GNAQ: variants seen among roughly 807,000 people sequenced by gnomAD.
The protein encoded by GNAQ is guanine nucleotide-binding protein G(q) subunit alpha.
GNAQ carries 8 observed loss-of-function variants against 43.9 expected under a neutral mutation model. The ratio of observed to expected loss-of-function variants is 0.18; its 90% CI spans 0.11 to 0.33. The LOEUF is 0.33. Ranked by LOEUF, GNAQ falls within the 10% of genes least tolerant of loss-of-function variation. The pLI, the probability that GNAQ is intolerant of heterozygous loss-of-function variation, is 1.00. For synonymous variants in GNAQ, 155 were observed against 170.7 expected (o/e 0.91, Z 0.71); for missense variants, 158 against 450.8 (o/e 0.35, Z 5.88).
intron 1 of GNAQ, among the ~76,000 whole-genome samples, chr9:77,968,716 G>C (rs1013466873): frequency 1.3e-5 from 2 of 152,094 alleles, no homozygotes; most frequent in African/African-American, 2.4e-5. Flanking sequence ...ATTAATTTTC[G>C]TAAGTGTACC....
Position 77,922,153 on chromosome 9 carries a change from G to A in GNAQ, c.321+8C>T, listed in dbSNP as rs769034833. 83 of 1,596,762 alleles carry A rather than the reference G, an allele frequency of 5.2e-5. No individual in the cohort carries two copies. The highest frequency in any genetic ancestry group is 2.2e-4 in the Admixed American group (13 of 59,786). ...CAGCTGACTGCTCCAATGAAGAGTC[G>A]CACCTACCTTATTGTGCTCATACTT... is the stretch of plus-strand genomic sequence containing the variant. On this transcript the variant is annotated splice_region_variant and intron_variant, in intron 2 of 6. Coordinates refer to ENST00000286548, the MANE Select transcript of GNAQ (RefSeq NM_002072.5).
At chr9:77,878,906 C>T (rs532494103) in intron 2 of GNAQ, among the ~76,000 whole-genome samples, 6 of 151,878 alleles carry the variant, frequency 4.0e-5, no homozygotes, top group Non-Finnish European at 7.4e-5. Flanking sequence ...ATTAGTCGAG[C>T]GTGGTGGTAC....
intron 5 of GNAQ, among the ~76,000 whole-genome samples, chr9:77,756,360 C>A (rs1825903701): frequency 6.6e-6 from 1 of 152,238 alleles, no homozygotes; most frequent in South Asian, 2.1e-4. Context: ...CAGACAGCAA[C>A]CTGACTGAAA....
intron 2 of GNAQ, among the ~76,000 whole-genome samples, chr9:77,866,467 A>G (rs1827948310): frequency 6.6e-6 from 1 of 152,184 alleles, no homozygotes; most frequent in Non-Finnish European, 1.5e-5. Context: ...AAAAATTAAA[A>G]ATTAAAACTA....
rs554796378 is a variant in GNAQ at position 77,886,781 on chromosome 9, C to G, written c.321+35380G>C. Among the ~76,000 whole-genome samples the G allele has an allele frequency of 3.3e-5, 5 of 152,148 alleles. No individual in the cohort carries two copies. The South Asian group carries it at 1.0e-3, about 32-fold the overall frequency. On this transcript the variant is annotated intron_variant, in intron 2 of 6. Transcript: ENST00000286548. ...GCTCATGAACCTTTTATCTATCTGGCTATGGATACAGCTTAGCATGTTAGC... is the reference window on the plus strand; with the variant it reads ...GCTCATGAACCTTTTATCTATCTGGGTATGGATACAGCTTAGCATGTTAGC...
chr9:77,972,039 TAAG>T (rs1344869039), intron 1 of GNAQ, among the ~76,000 whole-genome samples: 3 of 152,150 alleles, frequency 2.0e-5, no homozygotes, highest in Admixed American at 2.0e-4. Flanking sequence ...CTTATCAGCT[TAAG>T]GAGATTTTGG....
At chr9:77,938,495 C>T (rs1829265907) in intron 1 of GNAQ, among the ~76,000 whole-genome samples, 1 of 152,104 alleles carries the variant, frequency 6.6e-6, no homozygotes, top group African/African-American at 2.4e-5. Flanking sequence ...ATAAATGGGA[C>T]CAAAGAAAGC....
At chr9:77,972,160 GA>G (rs199724892) in intron 1 of GNAQ, among the ~76,000 whole-genome samples, 70 of 149,298 alleles carry the variant, frequency 4.7e-4, no homozygotes, top group East Asian at 1.2e-3. Context: ...CAATTAAAAT[GA>G]AAAAAAAATA....
At chr9:78,026,114 G>A (rs1793405879) in intron 1 of GNAQ, among the ~76,000 whole-genome samples, 1 of 152,016 alleles carries the variant, frequency 6.6e-6, no homozygotes, top group Admixed American at 6.6e-5. Flanking sequence ...TATTAAAATG[G>A]CTACTAAATT....
intron 5 of GNAQ, among the ~76,000 whole-genome samples, chr9:77,738,308 C>A (rs142267195): frequency 8.9e-6 from 1 of 112,122 alleles, no homozygotes; most frequent in East Asian, 2.3e-4. Context: ...GTTAATAGCA[C>A]GCTACAAACC....
intron 2 of GNAQ, among the ~76,000 whole-genome samples, chr9:77,843,216 T>A (rs1163824440): frequency 6.6e-6 from 1 of 152,162 alleles, no homozygotes; most frequent in East Asian, 1.9e-4. Context: ...TGCTCCTCCC[T>A]CTGGCCTGCT....
chr9:77,962,785 G>T (rs1458202791), intron 1 of GNAQ, among the ~76,000 whole-genome samples: 1 of 151,540 alleles, frequency 6.6e-6, no homozygotes, highest in Non-Finnish European at 1.5e-5. Context: ...CCAGCTACTC[G>T]GGAGGCTGAG....
intron 5 of GNAQ, among the ~76,000 whole-genome samples, chr9:77,752,702 G>A (rs1038013746): frequency 6.6e-6 from 1 of 152,210 alleles, no homozygotes; most frequent in African/African-American, 2.4e-5. Flanking sequence ...TGAAGTATGT[G>A]TGCAAAGTCA....
At chr9:77,760,576 G>T (rs888479127) in intron 5 of GNAQ, among the ~76,000 whole-genome samples, 1 of 151,958 alleles carries the variant, frequency 6.6e-6, no homozygotes, top group Admixed American at 6.5e-5. Context: ...CCTCCCAGCC[G>T]CCTGCCTTGG....
At chr9:77,733,918 G>C (rs777468026) in intron 5 of GNAQ, among the ~76,000 whole-genome samples, 11 of 152,220 alleles carry the variant, frequency 7.2e-5, no homozygotes, top group Non-Finnish European at 1.0e-4. Context: ...GAGGAAAAGA[G>C]AGCAAACATT....
At chr9:77,800,163 G>C (rs1240986853) in intron 3 of GNAQ, among the ~76,000 whole-genome samples, 1 of 151,840 alleles carries the variant, frequency 6.6e-6, no homozygotes, top group East Asian at 1.9e-4. Flanking sequence ...AAGTCAGTGT[G>C]GCGATTCCTC....
At chr9:77,853,214 G>A (rs1204356420) in intron 2 of GNAQ, among the ~76,000 whole-genome samples, 2 of 152,116 alleles carry the variant, frequency 1.3e-5, no homozygotes, top group East Asian at 3.8e-4. Flanking sequence ...TTTGTTGGCA[G>A]CTGTCAAGAG....
At chr9:77,956,781 G>C (rs1053954556) in intron 1 of GNAQ, among the ~76,000 whole-genome samples, 1 of 152,170 alleles carries the variant, frequency 6.6e-6, no homozygotes, top group Non-Finnish European at 1.5e-5. Context: ...CATTGAATGA[G>C]AGCCCTTCCT....
chr9:77,781,718 G>A (rs1826396384), intron 5 of GNAQ, among the ~76,000 whole-genome samples: 1 of 151,834 alleles, frequency 6.6e-6, no homozygotes, highest in Admixed American at 6.6e-5. Flanking sequence ...ACAACATTTG[G>A]AAATCAATTA....
Sources: allele counts gnomAD v4.1 joint callset (sites outside exome capture counted in the v4.1 genomes callset), GRCh38; gene constraint gnomAD v4.1.1; transcripts MANE v1.5; gene names NCBI Gene and HGNC (gene_info 2026-07-23, HGNC 2026-07-21).